Variants in SLC36A1 observed in about 807,000 individuals in gnomAD.
SLC36A1 encodes the protein solute carrier family 36 member 1.
SLC36A1 carries 30 observed loss-of-function variants against 47.5 expected under a neutral mutation model. The ratio of observed to expected loss-of-function variants is 0.63; its 90% CI spans 0.47 to 0.86. The LOEUF is 0.86. SLC36A1 is among the 40% of genes least tolerant of loss of function. The pLI, the probability that SLC36A1 is intolerant of heterozygous loss-of-function variation, is 0.00. For synonymous variants in SLC36A1, 255 were observed against 249.7 expected (o/e 1.02, Z -0.20); for missense variants, 517 against 606.0 (o/e 0.85, Z 1.54).
the SLC36A1 span, chr5:151,543,670 T>A: frequency 6.2e-7 from 1 of 1,614,054 alleles, no homozygotes; most frequent in Non-Finnish European, 8.5e-7. Flanking sequence ...TTCTGCCTCA[T>A]AAAGGTGCTG....
chr5:151,453,789 A>AC (rs1366087344), intron 1 of SLC36A1, among the ~76,000 whole-genome samples: 3 of 152,014 alleles, frequency 2.0e-5, no homozygotes, highest in African/African-American at 7.2e-5. Flanking sequence ...AAAAAAAAAA[A>AC]ATCACTGTAG....
the SLC36A1 span, among the ~76,000 whole-genome samples, chr5:151,424,354 G>C: frequency 1.3e-5 from 2 of 152,192 alleles, no homozygotes; most frequent in East Asian, 3.8e-4. Context: ...GAAAGGCAGA[G>C]GACAGGTTTT....
chr5:151,399,160 C>T, the SLC36A1 span, among the ~76,000 whole-genome samples: 1 of 145,454 alleles, frequency 6.9e-6, no homozygotes, highest in Non-Finnish European at 1.5e-5. Flanking sequence ...GATTTCGGCT[C>T]ACTGCAACCT....
the SLC36A1 span, among the ~76,000 whole-genome samples, chr5:151,385,872 CT>C: frequency 0.42 from 55,013 of 131,670 alleles, 12,296 homozygotes; most frequent in Middle Eastern, 0.63. Flanking sequence ...CCTTCTGTAT[CT>C]TTTTTTTTTT....
chr5:151,415,543 A>C, the SLC36A1 span, among the ~76,000 whole-genome samples: 1 of 152,100 alleles, frequency 6.6e-6, no homozygotes, highest in African/African-American at 2.4e-5. Context: ...TCCTCAGAGA[A>C]GTTTTCCCCA....
chr5:151,468,280 T>TA (rs1032204804), intron 7 of SLC36A1, among the ~76,000 whole-genome samples: 3 of 91,402 alleles, frequency 3.3e-5, no homozygotes, highest in Non-Finnish European at 4.4e-5. Flanking sequence ...TATATATATA[T>TA]ATATATATAT....
the SLC36A1 span, among the ~76,000 whole-genome samples, chr5:151,547,198 G>C: frequency 6.6e-6 from 1 of 152,098 alleles, no homozygotes; most frequent in Non-Finnish European, 1.5e-5. Flanking sequence ...AAAAAATACC[G>C]TATTAAAATT....
chr5:151,441,730 T>G (rs1752642034), intron 1 of SLC36A1, among the ~76,000 whole-genome samples: 1 of 152,130 alleles, frequency 6.6e-6, no homozygotes, highest in Admixed American at 6.5e-5. Context: ...AAGAATATAT[T>G]AACCTATTAT....
At position 151,450,186 on chromosome 5, in the gene SLC36A1, T is replaced by C. The variant is rs144335131; in HGVS notation, c.-6+2373T>C. 1.7e-4 allele frequency among the ~76,000 whole-genome samples: 26 copies of C among 152,120 alleles called. No homozygotes were observed. In the East Asian group the frequency reaches 4.6e-3, roughly 27 times the overall value. ...TAAAGTGGATGGAGCAGATGTCCGC[T>C]TACTAGCACGTAGAGTGGACGGAGC... On this transcript the variant is annotated intron_variant, in intron 1 of 10. Coordinates refer to ENST00000243389, the MANE Select transcript of SLC36A1 (RefSeq NM_078483.4).
At chr5:151,510,279 A>T in the SLC36A1 span, 1 of 1,340,854 alleles carries the variant, frequency 7.5e-7, no homozygotes, top group Non-Finnish European at 1.0e-6. Flanking sequence ...GTTACCATTT[A>T]TTTATTTGGT....
At chr5:151,403,596 A>G in the SLC36A1 span, among the ~76,000 whole-genome samples, 1 of 152,212 alleles carries the variant, frequency 6.6e-6, no homozygotes, top group South Asian at 2.1e-4. Context: ...GCAGAACCAT[A>G]AGCCAATAAA....
At chr5:151,492,919 A>G (rs11956563), downstream of SLC36A1, among the ~76,000 whole-genome samples, 11,400 of 152,148 alleles carry the variant, frequency 0.075, 460 homozygotes, top group East Asian at 0.14. Flanking sequence ...GGCCTGCCCT[A>G]TGACTCGCAG....
chr5:151,540,890 CTA>C, the SLC36A1 span: 1 of 830,948 alleles, frequency 1.2e-6, no homozygotes, highest in South Asian at 1.9e-5. Context: ...CCTTCCTTAA[CTA>C]GGAACCCACG....
the SLC36A1 span, chr5:151,506,213 G>A: frequency 2.7e-6 from 3 of 1,108,010 alleles, no homozygotes; most frequent in Non-Finnish European, 3.7e-6. Context: ...GGTGGGCATA[G>A]GCCCATCTGT....
rs1759844759 is a variant in SLC36A1, at chr5:151,488,449, A to G, written c.*195A>G. On this transcript the variant is annotated 3_prime_UTR_variant, in exon 11 of 11. Transcript: ENST00000243389. ...AGAGGTGGGGTGGCAGACACGCAGAAGTGCTACTAGTGACAGGGCTGCCAT... is the reference window on the plus strand; with the variant it reads ...AGAGGTGGGGTGGCAGACACGCAGAGGTGCTACTAGTGACAGGGCTGCCAT... 3.1e-6 allele frequency: 2 copies of G among 655,658 alleles called. No individual in the cohort carries two copies. The highest frequency in any genetic ancestry group is 5.1e-6 in the Non-Finnish European group (2 of 389,950). 40.6% of individuals were successfully genotyped at this position (655,658 alleles called of 1,614,324 possible).
the SLC36A1 span, chr5:151,531,755 G>A: frequency 2.5e-6 from 4 of 1,610,602 alleles, no homozygotes; most frequent in South Asian, 1.1e-5. The surrounding 1 kb of genome is among the most constrained non-coding windows in gnomAD (Gnocchi z 5.7). Context: ...AACACGGGCA[G>A]GTAGTCTTCT....
intron 8 of SLC36A1, among the ~76,000 whole-genome samples, chr5:151,474,479 A>T (rs1757779769): frequency 6.6e-6 from 1 of 152,176 alleles, no homozygotes; most frequent in South Asian, 2.1e-4. Context: ...TGTTCCTGAA[A>T]AGTGAGCTTA....
chr5:151,487,280 A>G (rs1347918643), intron 10 of SLC36A1, among the ~76,000 whole-genome samples: 3 of 152,188 alleles, frequency 2.0e-5, no homozygotes, highest in Admixed American at 6.5e-5. Flanking sequence ...AATGGCTGGT[A>G]TGGCACGGAA....
the SLC36A1 span, among the ~76,000 whole-genome samples, chr5:151,417,305 C>T: frequency 6.6e-6 from 1 of 152,154 alleles, no homozygotes; most frequent in South Asian, 2.1e-4. Context: ...TGTTGAATTG[C>T]TTTGACCAAA....
Sources: gnomAD v4.1 joint callset for allele counts (sites outside exome capture counted in the v4.1 genomes callset) on GRCh38, gnomAD v4.1.1 for gene constraint, Gnocchi (gnomAD v3.1) non-coding constraint, MANE v1.5 for transcripts, NCBI Gene and HGNC (gene_info 2026-07-23, HGNC 2026-07-21) for gene names.